The following ACSM2B variants were observed in gnomAD, a reference collection of about 807,000 sequenced individuals.
ACSM2B encodes acyl-coenzyme A synthetase ACSM2B, mitochondrial.
A neutral mutation model predicts 78.6 loss-of-function variants in ACSM2B; 58 were observed. The ratio of observed to expected loss-of-function variants is 0.74; its 90% CI spans 0.60 to 0.92. The LOEUF is 0.92. ACSM2B is among the 40% of genes least tolerant of loss of function. The pLI, the probability that ACSM2B is intolerant of heterozygous loss-of-function variation, is 0.00. For synonymous variants in ACSM2B, 257 were observed against 256.8 expected, an observed-to-expected ratio of 1.00 and a Z score of -0.01; for missense variants, 688 against 711.2, an observed-to-expected ratio of 0.97 and a Z score of 0.37.
At chr16:20,541,955 CT>C (rs2015006165) in intron 12 of ACSM2B, 1 of 152,248 alleles carries the variant, frequency 6.6e-6, no homozygotes. Flanking sequence ...AAGCACTTTA[CT>C]TTCTAAAAGT....
chr16:20,557,570 T>G (rs544562000), intron 3 of ACSM2B, among the ~76,000 whole-genome samples: 14 of 152,222 alleles, frequency 9.2e-5, no homozygotes, highest in Non-Finnish European at 2.1e-4. Context: ...AAACAGAGGA[T>G]GATCATGTAA....
chr16:20,547,123 C>A (rs1052246059), intron 8 of ACSM2B: 6 of 1,015,492 alleles, frequency 5.9e-6, no homozygotes, highest in African/African-American at 3.4e-5. Context: ...GTCACAATGA[C>A]CCATCTTTTC....
chr16:20,554,514 C>T (rs947084009), intron 4 of ACSM2B, among the ~76,000 whole-genome samples: 3 of 152,162 alleles, frequency 2.0e-5, no homozygotes, highest in Non-Finnish European at 2.9e-5. Flanking sequence ...TGAAGTTTTC[C>T]CTTCAAGTTT....
intron 1 of ACSM2B, among the ~76,000 whole-genome samples, chr16:20,572,811 CA>C (rs2016127581): frequency 6.6e-6 from 1 of 151,788 alleles, no homozygotes; most frequent in African/African-American, 2.4e-5. Flanking sequence ...TTGGCTAAGT[CA>C]AAAATCTTGT....
chr16:20,549,634 G>A (rs1191161544), intron 6 of ACSM2B: 4 of 321,638 alleles, frequency 1.2e-5, no homozygotes, highest in South Asian at 7.3e-5. Context: ...GATTTATTCT[G>A]AGCCAAACAT....
At chr16:20,549,360 G>A (rs1212418119) in intron 6 of ACSM2B, among the ~76,000 whole-genome samples, 2 of 152,102 alleles carry the variant, frequency 1.3e-5, no homozygotes, top group Admixed American at 1.3e-4. Context: ...CATCTGGTGA[G>A]AACCTTCTTG....
chr16:20,538,685 T>C (rs2014907960), intron 13 of ACSM2B, among the ~76,000 whole-genome samples: 1 of 152,150 alleles, frequency 6.6e-6, no homozygotes, highest in Admixed American at 6.6e-5. Flanking sequence ...GCACACTGTG[T>C]GATAGGACTC....
intron 1 of ACSM2B, among the ~76,000 whole-genome samples, chr16:20,565,071 T>C (rs556556421): frequency 4.6e-5 from 7 of 152,280 alleles, no homozygotes; most frequent in East Asian, 1.9e-4. Context: ...TCCTAGATCC[T>C]ACATATTCAA....
Position 20,536,611 on chromosome 16 carries a change from T to A in ACSM2B, c.*647A>T, listed in dbSNP as rs1175712753. ...AAGTACCACTTCTTTTCCTTTCATT[T>A]CCTTCTCAAGCTCCAGTTTTATGCT... On this transcript the variant is annotated 3_prime_UTR_variant, in exon 14 of 14. Transcript: ENST00000329697. The A allele has an allele frequency of 2.0e-5, 3 of 152,178 alleles. No homozygotes were observed. The highest frequency in any genetic ancestry group is 2.4e-5 in the African/African-American group (1 of 41,440). 9.4% of individuals were successfully genotyped at this position (152,178 alleles called of 1,614,324 possible). A position where few individuals can be genotyped will look rare whatever the true frequency, so the allele number is the denominator to read the frequency against.
At chr16:20,542,783 T>G in intron 12 of ACSM2B, 131 bp downstream of exon 12, 7 of 1,229,710 alleles carry the variant, frequency 5.7e-6, no homozygotes, top group Admixed American at 2.4e-5. Context: ...CAAGGTCACA[T>G]AGCTAGTAAG....
At chr16:20,575,965 C>G (rs1421640241) in intron 1 of ACSM2B, among the ~76,000 whole-genome samples, 1 of 151,268 alleles carries the variant, frequency 6.6e-6, no homozygotes, top group African/African-American at 2.5e-5. Flanking sequence ...ACCCAACTAC[C>G]AGCCCCCTGT....
chr16:20,568,330 T>C (rs911589895), intron 1 of ACSM2B, among the ~76,000 whole-genome samples: 2 of 142,980 alleles, frequency 1.4e-5, no homozygotes, highest in African/African-American at 5.0e-5. Context: ...TACAATTATA[T>C]AATGTATATA....
intron 2 of ACSM2B, among the ~76,000 whole-genome samples, chr16:20,562,441 A>G (rs1355314904): frequency 1.3e-5 from 2 of 152,162 alleles, no homozygotes; most frequent in Non-Finnish European, 2.9e-5. Context: ...TTGGTAACAC[A>G]TGAGAGTGTC....
At chr16:20,573,825 A>G (rs2016164229) in intron 1 of ACSM2B, among the ~76,000 whole-genome samples, 2 of 152,074 alleles carry the variant, frequency 1.3e-5, no homozygotes, top group Non-Finnish European at 2.9e-5. Flanking sequence ...AACAGGGAGT[A>G]GGTCACAAGG....
chr16:20,541,497 C>G (rs1036920196), intron 12 of ACSM2B, among the ~76,000 whole-genome samples: 40 of 152,126 alleles, frequency 2.6e-4, no homozygotes, highest in Admixed American at 8.5e-4. Flanking sequence ...CACAGGGGCT[C>G]TATCCTTTGG....
At chr16:20,556,654 T>C (rs1328384319) in intron 3 of ACSM2B, among the ~76,000 whole-genome samples, 1 of 152,176 alleles carries the variant, frequency 6.6e-6, no homozygotes, top group Non-Finnish European at 1.5e-5. Context: ...GTTTCATTAT[T>C]TGTGAAGCTT....
chr16:20,536,675 T>C lies in ACSM2B; in HGVS notation c.*583A>G, dbSNP rs1271557587. 6.6e-6 allele frequency: 1 copy of C among 152,184 alleles called. No homozygotes were observed. The highest frequency in any genetic ancestry group is 1.5e-5 in the Non-Finnish European group (1 of 68,048). 9.4% of individuals were successfully genotyped at this position (152,184 alleles called of 1,614,324 possible). ...CTGTGGGAATATTTATAGGTTTTCC[T>C]CTTTACTTCCCTCTCTTCCTTTCTT... On this transcript the variant is annotated 3_prime_UTR_variant, in exon 14 of 14. Transcript: ENST00000329697.
At chr16:20,537,615 G>A (rs192461468) in intron 13 of ACSM2B, among the ~76,000 whole-genome samples, 1 of 152,294 alleles carries the variant, frequency 6.6e-6, no homozygotes, top group Admixed American at 6.5e-5. Flanking sequence ...TGGCACAACA[G>A]TCAGCCAGCT....
intron 1 of ACSM2B, among the ~76,000 whole-genome samples, chr16:20,566,734 G>GTA (rs1447077110): frequency 0.027 from 172 of 6,300 alleles, 21 homozygotes; most frequent in African/African-American, 0.1. Context: ...ACTATATATA[G>GTA]TATATACTAT....
Sources: allele counts gnomAD v4.1 joint callset (sites outside exome capture counted in the v4.1 genomes callset), GRCh38; gene constraint gnomAD v4.1.1; transcripts MANE v1.5; gene names NCBI Gene and HGNC (gene_info 2026-07-23, HGNC 2026-07-21).